Variants in MACROD2 observed in about 807,000 individuals in gnomAD.
The protein encoded by MACROD2 is ADP-ribose glycohydrolase MACROD2.
MACROD2 carries 36 observed loss-of-function variants against 70.4 expected under a neutral mutation model. The observed-to-expected ratio is 0.51, with a 90% CI of 0.39 to 0.68. MACROD2 has a LOEUF of 0.68. Among genes scored for constraint, MACROD2 ranks in the 30% least tolerant of loss-of-function variants. The pLI is 0.00. For synonymous variants in MACROD2, 172 were observed against 178.8 expected, an observed-to-expected ratio of 0.96 and a Z score of 0.30; for missense variants, 496 against 538.4, an observed-to-expected ratio of 0.92 and a Z score of 0.78.
intron 2 of MACROD2, among the ~76,000 whole-genome samples, chr20:14,058,797 C>T (rs2053660331): frequency 6.6e-6 from 1 of 151,964 alleles, no homozygotes; most frequent in South Asian, 2.1e-4. Context: ...GCATGTGCCA[C>T]CACACCCAGC....
chr20:14,215,343 C>T (rs983642959), intron 3 of MACROD2, among the ~76,000 whole-genome samples: 14 of 133,996 alleles, frequency 1.0e-4, no homozygotes, highest in Admixed American at 2.2e-4. Context: ...TATATACACA[C>T]ACACACACAC....
chr20:14,787,344 AG>A (rs530864876), intron 5 of MACROD2, among the ~76,000 whole-genome samples: 2 of 152,272 alleles, frequency 1.3e-5, no homozygotes, highest in African/African-American at 4.8e-5. Flanking sequence ...TTATCCTCAA[AG>A]GTCCACAGAA....
intron 5 of MACROD2, among the ~76,000 whole-genome samples, chr20:14,988,225 G>A (rs945036083): frequency 4.0e-5 from 6 of 151,888 alleles, no homozygotes; most frequent in Admixed American, 6.6e-5. Flanking sequence ...CTAGCAGGGC[G>A]AGGTGGCGTA....
chr20:14,663,519 TACACACAC>T (rs10606501), intron 4 of MACROD2, among the ~76,000 whole-genome samples: 295 of 141,542 alleles, frequency 2.1e-3, no homozygotes, highest in African/African-American at 4.7e-3. Flanking sequence ...CAGGGATGTA[TACACACAC>T]ACACACACAC....
At chr20:14,979,797 A>T (rs1274592600) in intron 5 of MACROD2, among the ~76,000 whole-genome samples, 3 of 152,204 alleles carry the variant, frequency 2.0e-5, no homozygotes, top group East Asian at 1.9e-4. Flanking sequence ...GTTCTGATAA[A>T]ATAGAATAAT....
chr20:15,544,748 AATT>A (rs1280514873), intron 8 of MACROD2, among the ~76,000 whole-genome samples: 1 of 152,192 alleles, frequency 6.6e-6, no homozygotes, highest in African/African-American at 2.4e-5. Context: ...TATTTTATTT[AATT>A]ATTATTAGGT....
At chr20:15,266,140 T>C (rs946342259) in intron 6 of MACROD2, among the ~76,000 whole-genome samples, 1 of 151,018 alleles carries the variant, frequency 6.6e-6, no homozygotes, top group Non-Finnish European at 1.5e-5. Context: ...TGTGGATCAC[T>C]TTTTTTTTAG....
chr20:15,901,459 C>T (rs1031299039), intron 10 of MACROD2, among the ~76,000 whole-genome samples: 1 of 152,170 alleles, frequency 6.6e-6, no homozygotes, highest in African/African-American at 2.4e-5. Context: ...CCACAGCCCC[C>T]AGTCAGCCGC....
At chr20:15,529,967 G>C (rs1253486462) in intron 8 of MACROD2, among the ~76,000 whole-genome samples, 1 of 152,150 alleles carries the variant, frequency 6.6e-6, no homozygotes, top group Non-Finnish European at 1.5e-5. Context: ...ACAGGTAGAA[G>C]AAATTTGAGT....
intron 6 of MACROD2, among the ~76,000 whole-genome samples, chr20:15,344,178 G>T (rs80226148): frequency 0.052 from 7,848 of 152,130 alleles, 683 homozygotes; most frequent in African/African-American, 0.18. Flanking sequence ...ATAATTCCCA[G>T]TCCTTTTATT....
At chr20:14,658,776 G>T (rs975687136) in intron 4 of MACROD2, among the ~76,000 whole-genome samples, 3 of 152,114 alleles carry the variant, frequency 2.0e-5, no homozygotes, top group African/African-American at 7.2e-5. Flanking sequence ...GCCATGCCCG[G>T]CAAGTTTTTT....
intron 5 of MACROD2, among the ~76,000 whole-genome samples, chr20:15,214,808 A>T (rs965599220): frequency 3.9e-5 from 6 of 152,182 alleles, no homozygotes; most frequent in Admixed American, 1.3e-4. Context: ...AGACTGTTAA[A>T]ATTCTATCAA....
intron 3 of MACROD2, among the ~76,000 whole-genome samples, chr20:14,367,967 T>C (rs1341981595): frequency 6.6e-6 from 1 of 152,220 alleles, no homozygotes; most frequent in Non-Finnish European, 1.5e-5. Context: ...TAAATTCATT[T>C]AAATTTAAAT....
intron 5 of MACROD2, among the ~76,000 whole-genome samples, chr20:15,156,207 G>A (rs912601110): frequency 2.6e-5 from 4 of 152,210 alleles, no homozygotes; most frequent in African/African-American, 9.6e-5. Context: ...AGACATCCTG[G>A]GTTGGGAGAC....
intron 15 of MACROD2, among the ~76,000 whole-genome samples, chr20:16,034,846 G>A (rs554792294): frequency 3.3e-5 from 5 of 151,066 alleles, no homozygotes; most frequent in African/African-American, 1.2e-4. Context: ...AAAGTCCATT[G>A]CATCATTCTT....
intron 15 of MACROD2, among the ~76,000 whole-genome samples, chr20:15,999,928 G>A (rs979796276): frequency 4.6e-5 from 7 of 152,176 alleles, no homozygotes; most frequent in Non-Finnish European, 1.0e-4. Flanking sequence ...ACGGAGTGTG[G>A]AGACTCACTG....
At chr20:14,927,731 T>C (rs138629481) in intron 5 of MACROD2, among the ~76,000 whole-genome samples, 134 of 152,324 alleles carry the variant, frequency 8.8e-4, no homozygotes, top group African/African-American at 3.1e-3. Flanking sequence ...TGTTAGTATC[T>C]GCTCCTGATG....
intron 5 of MACROD2, among the ~76,000 whole-genome samples, chr20:15,016,991 G>A (rs1324660437): frequency 6.6e-6 from 1 of 151,960 alleles, no homozygotes; most frequent in Non-Finnish European, 1.5e-5. Context: ...ATATCATGCT[G>A]CCCTTGGCCC....
chr20:14,290,702 T>G (rs990268624), intron 3 of MACROD2, among the ~76,000 whole-genome samples: 1 of 152,084 alleles, frequency 6.6e-6, no homozygotes, highest in Non-Finnish European at 1.5e-5. Flanking sequence ...ATACACAGGG[T>G]TTCTCCATGT....
Sources: allele counts gnomAD v4.1 joint callset (sites outside exome capture counted in the v4.1 genomes callset), GRCh38; gene constraint gnomAD v4.1.1; transcripts MANE v1.5; gene names NCBI Gene and HGNC (gene_info 2026-07-23, HGNC 2026-07-21).